FUT8: variants seen among roughly 807,000 people sequenced by gnomAD.
The protein encoded by FUT8 is alpha-(1,6)-fucosyltransferase.
FUT8 carries 29 observed loss-of-function variants against 71.3 expected under a neutral mutation model. The observed-to-expected ratio is 0.41, with a 90% CI of 0.30 to 0.55. FUT8 has a LOEUF of 0.55. FUT8 is among the 20% of genes least tolerant of loss of function. The pLI, the probability that FUT8 is intolerant of heterozygous loss-of-function variation, is 0.34. For synonymous variants in FUT8, 254 were observed against 239.3 expected (o/e 1.06, Z -0.57); for missense variants, 544 against 702.1 (o/e 0.77, Z 2.55).
intron 1 of FUT8, among the ~76,000 whole-genome samples, chr14:65,445,701 T>G (rs774997897): frequency 5.3e-5 from 8 of 152,264 alleles, no homozygotes; most frequent in Non-Finnish European, 1.2e-4. Context: ...CAAATAAACT[T>G]GTATAAATAC....
intron 7 of FUT8, among the ~76,000 whole-genome samples, chr14:65,716,617 C>A (rs1487309356): frequency 6.6e-6 from 1 of 152,080 alleles, no homozygotes; most frequent in African/African-American, 2.4e-5. Context: ...ATGGAGTCTC[C>A]TATGTCTACT....
At position 65,629,625 on chromosome 14, in the gene FUT8, G is replaced by C. The variant is rs754183162; in HGVS notation, c.597+19G>C. The C allele has an allele frequency of 1.3e-6, 2 of 1,522,406 alleles. No individual in the cohort carries two copies. The highest frequency in any genetic ancestry group is 3.4e-5 in the Admixed American group (2 of 59,468). 94.3% of individuals were successfully genotyped at this position (1,522,406 alleles called of 1,614,324 possible). On this transcript the variant is annotated intron_variant, in intron 6 of 10. Transcript: ENST00000673929. ...TCTTCAGGTAAGAAGGTTGGGTTAAGAATAAATTTGAGTGAAAAAAAGAAG... is the reference window on the plus strand; with the variant it reads ...TCTTCAGGTAAGAAGGTTGGGTTAACAATAAATTTGAGTGAAAAAAAGAAG...
intron 7 of FUT8, among the ~76,000 whole-genome samples, chr14:65,686,167 G>T (rs1053112281): frequency 6.6e-6 from 1 of 152,202 alleles, no homozygotes; most frequent in Non-Finnish European, 1.5e-5. Flanking sequence ...GAAATGGAGA[G>T]ATTTTATATT....
intron 6 of FUT8, among the ~76,000 whole-genome samples, chr14:65,630,754 T>A (rs1486624643): frequency 6.6e-6 from 1 of 152,168 alleles, no homozygotes; most frequent in Non-Finnish European, 1.5e-5. Context: ...CATTATCTGA[T>A]AAGGTGCTGA....
At chr14:65,389,860 A>G in the FUT8 span, among the ~76,000 whole-genome samples, 2 of 151,456 alleles carry the variant, frequency 1.3e-5, no homozygotes, top group Non-Finnish European at 2.9e-5. Context: ...TATACATACT[A>G]TATATAAAAA....
rs538531518 is a variant in FUT8 at position 65,463,570 on chromosome 14, A to G, written c.-228+7852A>G. Reference sequence around the variant, plus strand: ...GAGTCAGCCACCGTGCCTGGCTAATATATTTTCTTAGTGTTAAAGAAAAGA... The same window carrying G: ...GAGTCAGCCACCGTGCCTGGCTAATGTATTTTCTTAGTGTTAAAGAAAAGA... On this transcript the variant is annotated intron_variant, in intron 2 of 10. Transcript: ENST00000673929. 1.4e-3 allele frequency among the ~76,000 whole-genome samples: 213 copies of G among 152,298 alleles called. 1 individual carries two copies. The highest frequency in any genetic ancestry group is 4.7e-3 in the African/African-American group (195 of 41,566).
chr14:65,548,543 T>C (rs1416925289), intron 2 of FUT8, among the ~76,000 whole-genome samples: 1 of 152,068 alleles, frequency 6.6e-6, no homozygotes, highest in Non-Finnish European at 1.5e-5. Flanking sequence ...TGCAAACATT[T>C]GAGATTAATT....
At chr14:65,582,891 A>T (rs945384350) in intron 3 of FUT8, among the ~76,000 whole-genome samples, 16 of 152,222 alleles carry the variant, frequency 1.1e-4, no homozygotes, top group African/African-American at 3.6e-4. Context: ...TATTCTCAGG[A>T]GATAACGGTC....
chr14:65,442,374 G>T (rs547261568), intron 1 of FUT8, among the ~76,000 whole-genome samples: 1 of 151,896 alleles, frequency 6.6e-6, no homozygotes, highest in African/African-American at 2.4e-5. Flanking sequence ...GTAGAGACAT[G>T]TCGGCCAGGA....
chr14:65,415,247 A>C (rs2065201737), intron 1 of FUT8, among the ~76,000 whole-genome samples: 1 of 152,210 alleles, frequency 6.6e-6, no homozygotes, highest in South Asian at 2.1e-4. Context: ...ACCCAAAACC[A>C]GATTTTTATG....
intron 2 of FUT8, among the ~76,000 whole-genome samples, chr14:65,499,203 A>AC (rs1000415176): frequency 4.6e-5 from 7 of 152,166 alleles, no homozygotes; most frequent in African/African-American, 1.4e-4. Context: ...ACACACACAC[A>AC]CACCACCATA....
intron 7 of FUT8, among the ~76,000 whole-genome samples, chr14:65,702,808 G>C (rs1285055361): frequency 1.1e-4 from 17 of 151,602 alleles, no homozygotes; most frequent in African/African-American, 4.1e-4. Context: ...GCACCATCTC[G>C]GCTCACTGCA....
chr14:65,447,813 A>G (rs2065765335), intron 1 of FUT8, among the ~76,000 whole-genome samples: 2 of 152,112 alleles, frequency 1.3e-5, no homozygotes, highest in South Asian at 4.1e-4. Context: ...AGGGATAATG[A>G]TATGTTATTT....
intron 2 of FUT8, among the ~76,000 whole-genome samples, chr14:65,471,594 C>T (rs1002538993): frequency 1.3e-5 from 2 of 152,120 alleles, no homozygotes; most frequent in African/African-American, 4.8e-5. Flanking sequence ...CTGATGCTGG[C>T]TTCAGTTGAG....
At chr14:65,474,835 A>T (rs1311226516) in intron 2 of FUT8, among the ~76,000 whole-genome samples, 1 of 152,048 alleles carries the variant, frequency 6.6e-6, no homozygotes, top group African/African-American at 2.4e-5. Flanking sequence ...TTCATCCTTC[A>T]TTTTTGTGGA....
At chr14:65,536,706 C>T (rs1345931275) in intron 2 of FUT8, among the ~76,000 whole-genome samples, 1 of 152,124 alleles carries the variant, frequency 6.6e-6, no homozygotes, top group African/African-American at 2.4e-5. Context: ...ATTTCAGCCT[C>T]ATAGAATCTG....
At chr14:65,591,683 T>C (rs1391398862) in intron 3 of FUT8, among the ~76,000 whole-genome samples, 4 of 152,076 alleles carry the variant, frequency 2.6e-5, no homozygotes, top group Non-Finnish European at 5.9e-5. Flanking sequence ...ATCTTTATCT[T>C]GGGTCTTAAT....
intron 7 of FUT8, among the ~76,000 whole-genome samples, chr14:65,689,434 TTATA>T (rs1445850336): frequency 5.3e-5 from 8 of 152,354 alleles, no homozygotes; most frequent in African/African-American, 9.6e-5. Context: ...AGAGTTCTAT[TTATA>T]TATAAAGTTG....
At chr14:65,369,350 A>T in the FUT8 span, among the ~76,000 whole-genome samples, 3 of 152,234 alleles carry the variant, frequency 2.0e-5, no homozygotes, top group Non-Finnish European at 4.4e-5. This position sits in a 1 kb window ranked among gnomAD's most constrained non-coding sequence, Gnocchi z 4.6. Flanking sequence ...TTCAATTTTT[A>T]AATTTCGAGA....
Sources: allele counts gnomAD v4.1 joint callset (sites outside exome capture counted in the v4.1 genomes callset), GRCh38; gene constraint gnomAD v4.1.1; non-coding constraint Gnocchi (gnomAD v3.1); transcripts MANE v1.5; gene names NCBI Gene and HGNC (gene_info 2026-07-23, HGNC 2026-07-21).